Variants in CACNG2 observed in about 807,000 individuals in gnomAD.
CACNG2 encodes calcium voltage-gated channel auxiliary subunit gamma 2, also known as voltage-dependent calcium channel gamma-2 subunit.
A neutral mutation model predicts 25.9 loss-of-function variants in CACNG2; 3 were observed. The observed-to-expected ratio is 0.12, with a 90% CI of 0.05 to 0.30. The LOEUF is 0.30. Ranked by LOEUF, CACNG2 falls within the 10% of genes least tolerant of loss-of-function variation. CACNG2 has a pLI of 1.00. For missense variants in CACNG2, 341 were observed against 432.5 expected (o/e 0.79, Z 1.88); for synonymous variants, 167 against 173.3 (o/e 0.96, Z 0.29).
intron 1 of CACNG2, among the ~76,000 whole-genome samples, chr22:36,610,069 T>C (rs1358291917): frequency 6.7e-6 from 1 of 150,184 alleles, no homozygotes; most frequent in African/African-American, 2.5e-5. Context: ...CCCCAGAGTG[T>C]GATTGGGAGG....
chr22:36,630,413 C>T (rs1936250241), intron 1 of CACNG2, among the ~76,000 whole-genome samples: 1 of 152,134 alleles, frequency 6.6e-6, no homozygotes, highest in Admixed American at 6.6e-5. Context: ...GGATTTTTAC[C>T]TGAGCACCAG....
chr22:36,679,197 C>CCTTCCTTCCTTCCTTCCTTCCTTTCTTT (rs1491420417), intron 1 of CACNG2, among the ~76,000 whole-genome samples: 3 of 54,784 alleles, frequency 5.5e-5, no homozygotes, highest in Admixed American at 3.4e-4. Flanking sequence ...TTCCTTCCTT[C>CCTTCCTTCCTTCCTTCCTTCCTTTCTTT]CTTTCTTTCT....
intron 3 of CACNG2, 45 bp downstream of exon 3, chr22:36,566,308 C>T (rs368362923): frequency 1.9e-6 from 3 of 1,607,442 alleles, no homozygotes; most frequent in Non-Finnish European, 2.6e-6. Context: ...AGCACCCACA[C>T]CCCAGCCTTC....
chr22:36,621,277 G>A (rs1028451783), intron 1 of CACNG2, among the ~76,000 whole-genome samples: 3 of 152,218 alleles, frequency 2.0e-5, no homozygotes, highest in South Asian at 4.1e-4. Context: ...GGAGGCCGAG[G>A]CGGGCGAATC....
At chr22:36,567,009 C>A (rs1034268597) in intron 2 of CACNG2, among the ~76,000 whole-genome samples, 3 of 152,108 alleles carry the variant, frequency 2.0e-5, no homozygotes, top group African/African-American at 7.2e-5. Context: ...ACTTTGGGGC[C>A]CTTGGGCACG....
intron 2 of CACNG2, among the ~76,000 whole-genome samples, chr22:36,573,576 C>T (rs1260006997): frequency 6.6e-6 from 1 of 152,192 alleles, no homozygotes; most frequent in Non-Finnish European, 1.5e-5. Flanking sequence ...AAATGATATG[C>T]CTGCCTCAGC....
At chr22:36,621,243 C>T (rs1936098821) in intron 1 of CACNG2, among the ~76,000 whole-genome samples, 1 of 152,206 alleles carries the variant, frequency 6.6e-6, no homozygotes. Context: ...TGCGGGGGCT[C>T]ACGCCTGTAA....
chr22:36,564,281 T>A lies in CACNG2; in HGVS notation c.*70A>T. ...AAGGTCTCCCAGCGGAGGGTCTGGG[T>A]CTCCCCGCCCCGCCCCGCCCCCGGG... On this transcript the variant is annotated 3_prime_UTR_variant, in exon 4 of 4. Coordinates refer to ENST00000300105, the MANE Select transcript of CACNG2 (RefSeq NM_006078.5). This position sits in a 1 kb window ranked among gnomAD's most constrained non-coding sequence, Gnocchi z 6.7. 1 of 1,438,172 alleles carries A rather than the reference T, an allele frequency of 7.0e-7. No individual in the cohort carries two copies. Among genetic ancestry groups the A allele is most frequent in the Non-Finnish European group, 9.5e-7 (1 of 1,054,830 alleles). 89.1% of individuals were successfully genotyped at this position (1,438,172 alleles called of 1,614,324 possible).
rs752545450 is a variant in CACNG2 at position 36,566,483 on chromosome 22, C to T, written c.306G>A (p.Arg102=). The T allele has an allele frequency of 6.3e-5, 101 of 1,613,958 alleles. No homozygotes were observed. Among genetic ancestry groups the T allele is most frequent in the Middle Eastern group, 1.6e-4 (1 of 6,084 alleles). Residue 102 remains arginine, a synonymous_variant, in exon 3 of 4, where the codon AGG becomes AGA. Transcript: ENST00000300105. Reference sequence around the variant, plus strand: ...TCAGGATTGGGAAAATGCTGGAGGCCCTCACGGCCCCTGTGGAACACAGAG... The same window carrying T: ...TCAGGATTGGGAAAATGCTGGAGGCTCTCACGGCCCCTGTGGAACACAGAG... ...DTAEYFLRAV[R]ASSIFPILSV...
chr22:36,596,678 C>T (rs907863386), intron 1 of CACNG2, among the ~76,000 whole-genome samples: 1 of 152,184 alleles, frequency 6.6e-6, no homozygotes. Flanking sequence ...GTCCCCAGCA[C>T]TCAGGAGCTG....
At chr22:36,649,302 C>T (rs186605425) in intron 1 of CACNG2, among the ~76,000 whole-genome samples, 2 of 151,860 alleles carry the variant, frequency 1.3e-5, no homozygotes, top group African/African-American at 4.8e-5. Context: ...TTCCTTTTTT[C>T]TTTTTTTGAG....
At chr22:36,636,653 G>T in intron 1 of CACNG2, among the ~76,000 whole-genome samples, 1 of 152,342 alleles carries the variant, frequency 6.6e-6, no homozygotes, top group East Asian at 1.9e-4. Context: ...GCTATTTACC[G>T]TACCCCCGTG....
intron 1 of CACNG2, among the ~76,000 whole-genome samples, chr22:36,622,210 A>G (rs190345040): frequency 1.1e-3 from 175 of 152,330 alleles, no homozygotes; most frequent in African/African-American, 4.2e-3. Flanking sequence ...TGAGCCCCCA[A>G]CTATGTGCTA....
rs1326133068 is a variant in CACNG2, at chr22:36,564,203, G to GT, written c.*147dup. 7 of 632,478 alleles carry GT rather than the reference G, an allele frequency of 1.1e-5. No individual in the cohort carries two copies. Among genetic ancestry groups the GT allele is most frequent in the Non-Finnish European group, 1.8e-5 (7 of 390,168 alleles). The allele number at this position is 632,478 out of a possible 1,614,324, so 39.2% of individuals were successfully genotyped here. On this transcript the variant is annotated 3_prime_UTR_variant, in exon 4 of 4. Transcript: ENST00000300105. This position sits in a 1 kb window ranked among gnomAD's most constrained non-coding sequence, Gnocchi z 6.7. The stretch of plus-strand genomic sequence containing the variant: ...TTTTTCTCTTTTTTTGTGTGTGTGT[G>GT]TTTTTTTGTTTTTTGTTTTTTTGTT...
intron 2 of CACNG2, among the ~76,000 whole-genome samples, chr22:36,567,973 C>G (rs1198570888): frequency 6.6e-6 from 1 of 152,114 alleles, no homozygotes; most frequent in Non-Finnish European, 1.5e-5. Flanking sequence ...CCTCAGCCTC[C>G]CAAGTAGCTG....
At chr22:36,638,864 C>A (rs1936399341) in intron 1 of CACNG2, among the ~76,000 whole-genome samples, 1 of 152,188 alleles carries the variant, frequency 6.6e-6, no homozygotes, top group Non-Finnish European at 1.5e-5. Flanking sequence ...TTAGCATTGT[C>A]TCTGCAAATG....
At position 36,606,074 on chromosome 22, in the gene CACNG2, G is replaced by A. The variant is rs985738211; in HGVS notation, c.212-18526C>T. On this transcript the variant is annotated intron_variant, in intron 1 of 3. Coordinates refer to ENST00000300105, the MANE Select transcript of CACNG2 (RefSeq NM_006078.5). The surrounding 1 kb of genome is among the most constrained non-coding windows in gnomAD (Gnocchi z 5.7). ...GTATTAACCATGTGCTCTCGGACAA[G>A]GTGTTCATCTTTCAGTTCAGTACTT... 1.3e-5 allele frequency among the ~76,000 whole-genome samples: 2 copies of A among 152,184 alleles called. No homozygotes were observed. Among genetic ancestry groups the A allele is most frequent in the South Asian group, 4.1e-4 (2 of 4,834 alleles).
Position 36,561,781 on chromosome 22 carries a change from G to A in CACNG2, c.*2570C>T, listed in dbSNP as rs926314373. ...AAAGCTGTTGGATTTCTGTCAGTCT[G>A]AACTGGCCCTTGTCACTCTGGGGAA... is the stretch of plus-strand genomic sequence containing the variant. On this transcript the variant is annotated 3_prime_UTR_variant, in exon 4 of 4. Coordinates refer to ENST00000300105, the MANE Select transcript of CACNG2 (RefSeq NM_006078.5). The A allele has an allele frequency of 4.6e-5, 7 of 152,284 alleles. No homozygotes were observed. Among genetic ancestry groups the A allele is most frequent in the African/African-American group, 1.7e-4 (7 of 41,446 alleles). The allele number at this position is 152,284 out of a possible 1,614,324, so 9.4% of individuals were successfully genotyped here.
intron 2 of CACNG2, among the ~76,000 whole-genome samples, chr22:36,579,217 C>T (rs1935373066): frequency 6.6e-6 from 1 of 151,820 alleles, no homozygotes; most frequent in Non-Finnish European, 1.5e-5. Flanking sequence ...CCAGCCTGAC[C>T]AACATGGTAA....
Sources: gnomAD v4.1 joint callset for allele counts (sites outside exome capture counted in the v4.1 genomes callset) on GRCh38, gnomAD v4.1.1 for gene constraint, Gnocchi (gnomAD v3.1) non-coding constraint, MANE v1.5 for transcripts, NCBI Gene and HGNC (gene_info 2026-07-23, HGNC 2026-07-21) for gene names.